Variants in FAF1 observed in about 807,000 individuals in gnomAD.
FAF1 encodes the protein FAS-associated factor 1.
FAF1 carries 25 observed loss-of-function variants against 92.5 expected under a neutral mutation model. The observed-to-expected ratio is 0.27, with a 90% CI of 0.20 to 0.38. The LOEUF (loss-of-function observed/expected upper bound fraction) is 0.38. FAF1 is among the 10% of genes least tolerant of loss of function. The pLI, the probability that FAF1 is intolerant of heterozygous loss-of-function variation, is 1.00. For missense variants in FAF1, 636 were observed against 793.3 expected (o/e 0.80, Z 2.38); for synonymous variants, 234 against 273.2 (o/e 0.86, Z 1.42).
intron 1 of FAF1, among the ~76,000 whole-genome samples, chr1:50,956,718 G>C (rs968382112): frequency 2.6e-5 from 4 of 152,166 alleles, no homozygotes; most frequent in Admixed American, 2.6e-4. Flanking sequence ...GGAGGCCAAG[G>C]CAGGTGGATC....
At chr1:50,726,601 G>A (rs535927248) in intron 6 of FAF1, among the ~76,000 whole-genome samples, 2 of 152,206 alleles carry the variant, frequency 1.3e-5, no homozygotes, top group African/African-American at 4.8e-5. Flanking sequence ...AGGCTGAGGT[G>A]GGCGGATCAC....
chr1:50,667,119 G>A (rs1655675500), intron 7 of FAF1, among the ~76,000 whole-genome samples: 1 of 152,100 alleles, frequency 6.6e-6, no homozygotes, highest in Non-Finnish European at 1.5e-5. Context: ...CAGAGTTCCT[G>A]GTGTCACACA....
At chr1:50,896,834 T>C (rs1644761304) in intron 1 of FAF1, among the ~76,000 whole-genome samples, 1 of 152,168 alleles carries the variant, frequency 6.6e-6, no homozygotes. Flanking sequence ...TCAGTTTTGC[T>C]AGATGAAGAA....
At chr1:50,613,654 T>C (rs1652777116) in intron 8 of FAF1, among the ~76,000 whole-genome samples, 1 of 152,184 alleles carries the variant, frequency 6.6e-6, no homozygotes. Context: ...CACATAAGAA[T>C]AATACACAAG....
At chr1:50,599,821 T>C (rs1249067104) in intron 8 of FAF1, among the ~76,000 whole-genome samples, 1 of 152,190 alleles carries the variant, frequency 6.6e-6, no homozygotes, top group Non-Finnish European at 1.5e-5. Flanking sequence ...TTGGATTTGG[T>C]ATTTAGACAA....
At chr1:50,849,013 C>G (rs1644326188) in intron 2 of FAF1, among the ~76,000 whole-genome samples, 1 of 152,094 alleles carries the variant, frequency 6.6e-6, no homozygotes, top group South Asian at 2.1e-4. Flanking sequence ...AATCCCAGAA[C>G]TTTGGGAGGC....
chr1:50,690,139 G>C (rs920638685), intron 7 of FAF1, among the ~76,000 whole-genome samples: 1 of 151,638 alleles, frequency 6.6e-6, no homozygotes, highest in African/African-American at 2.4e-5. Context: ...GGGATTACAG[G>C]CACATGTCAC....
chr1:50,695,366 C>A (rs1055346620), intron 7 of FAF1, among the ~76,000 whole-genome samples: 8 of 151,704 alleles, frequency 5.3e-5, no homozygotes, highest in Non-Finnish European at 8.8e-5. Context: ...AGAGATTGCA[C>A]CATTGCACTA....
chr1:50,578,244 G>A (rs1650842953), intron 12 of FAF1, among the ~76,000 whole-genome samples: 1 of 151,978 alleles, frequency 6.6e-6, no homozygotes, highest in Admixed American at 6.6e-5. Flanking sequence ...CTGTTGCCCT[G>A]GTAAAATTAA....
intron 5 of FAF1, among the ~76,000 whole-genome samples, chr1:50,739,368 G>A (rs140938175): frequency 0.012 from 1,766 of 150,048 alleles, 33 homozygotes; most frequent in African/African-American, 0.043. Flanking sequence ...ATGTGTACAC[G>A]TACATACATA....
chr1:50,683,178 A>T (rs1208798117), intron 7 of FAF1, among the ~76,000 whole-genome samples: 1 of 152,134 alleles, frequency 6.6e-6, no homozygotes. Flanking sequence ...AAACATATAT[A>T]CATCATGGTT....
intron 1 of FAF1, among the ~76,000 whole-genome samples, chr1:50,892,412 A>C (rs544576319): frequency 6.6e-6 from 1 of 152,310 alleles, no homozygotes; most frequent in Admixed American, 6.5e-5. Context: ...GGAAATGCAG[A>C]AATCACCCAT....
rs184497299 is a variant in FAF1 at position 50,448,169 on chromosome 1, G to A, written c.1870-6646C>T. ...TATAGGGATTGAAATAGCCATCAAG[G>A]GCCTGACACATGGAAGCTATTATGA... On this transcript the variant is annotated intron_variant, in intron 18 of 18. Coordinates refer to ENST00000396153, the MANE Select transcript of FAF1 (RefSeq NM_007051.3). Among the ~76,000 whole-genome samples, 484 of 152,184 alleles carry A rather than the reference G, an allele frequency of 3.2e-3. 14 individuals carry two copies. The highest frequency in any genetic ancestry group is 0.027 in the Admixed American group (417 of 15,296).
chr1:50,485,667 CAAAAAAAAAAA>C (rs999538430), intron 17 of FAF1, among the ~76,000 whole-genome samples: 49 of 13,718 alleles, frequency 3.6e-3, no homozygotes, highest in Non-Finnish European at 5.6e-3. Flanking sequence ...GAGACTGTCT[CAAAAAAAAAAA>C]AAAAAAAAAA....
chr1:50,584,875 T>G (rs1651151414), intron 9 of FAF1, 64 bp from the exon 10 acceptor site: 1 of 1,441,302 alleles, frequency 6.9e-7, no homozygotes, highest in Non-Finnish European at 9.7e-7. Flanking sequence ...TAAGAATAAG[T>G]TATAATAATA....
intron 17 of FAF1, among the ~76,000 whole-genome samples, chr1:50,486,106 C>T (rs1001937160): frequency 3.9e-5 from 6 of 152,088 alleles, no homozygotes; most frequent in Non-Finnish European, 7.4e-5. Flanking sequence ...GAGGAAGTGC[C>T]AAGGTTTCTA....
intron 18 of FAF1, among the ~76,000 whole-genome samples, chr1:50,453,549 C>G (rs945619584): frequency 6.6e-6 from 1 of 152,238 alleles, no homozygotes; most frequent in Non-Finnish European, 1.5e-5. Flanking sequence ...CCAAGGCTCT[C>G]TCTGAGCTAT....
At chr1:50,444,520 GA>G (rs1646206216) in intron 18 of FAF1, among the ~76,000 whole-genome samples, 1 of 152,196 alleles carries the variant, frequency 6.6e-6, no homozygotes, top group Non-Finnish European at 1.5e-5. Flanking sequence ...CAGGGAAGCA[GA>G]ACCCAGCTAG....
intron 8 of FAF1, among the ~76,000 whole-genome samples, chr1:50,651,762 T>C (rs1654874334): frequency 6.6e-6 from 1 of 152,218 alleles, no homozygotes. Context: ...GTGAGGACTA[T>C]TTTGTTTTGT....
Sources: gnomAD v4.1 joint callset for allele counts (sites outside exome capture counted in the v4.1 genomes callset) on GRCh38, gnomAD v4.1.1 for gene constraint, MANE v1.5 for transcripts, NCBI Gene and HGNC (gene_info 2026-07-23, HGNC 2026-07-21) for gene names.